The following LOXL2 variants were observed in gnomAD, a reference collection of about 807,000 sequenced individuals.
LOXL2 encodes lysyl oxidase homolog 2.
LOXL2 carries 70 observed loss-of-function variants against 93.0 expected under a neutral mutation model. That is an observed-to-expected ratio of 0.75 (90% CI 0.62 to 0.92). The LOEUF is 0.92. Among genes scored for constraint, LOXL2 ranks in the 40% least tolerant of loss-of-function variants. The probability of loss-of-function intolerance (pLI) is 0.00; values close to 1 mark genes in which losing one functional copy is unlikely to be tolerated. For synonymous variants in LOXL2, 438 were observed against 413.2 expected, an observed-to-expected ratio of 1.06 and a Z score of -0.73; for missense variants, 973 against 1,054.9, an observed-to-expected ratio of 0.92 and a Z score of 1.08.
chr8:23,354,720 G>C (rs879014148), intron 3 of LOXL2, among the ~76,000 whole-genome samples: 4 of 151,826 alleles, frequency 2.6e-5, no homozygotes, highest in African/African-American at 9.7e-5. Context: ...CAAGGGTCTT[G>C]AAACTTGGCA....
At chr8:23,381,968 C>G (rs894622902) in intron 1 of LOXL2, among the ~76,000 whole-genome samples, 3 of 152,210 alleles carry the variant, frequency 2.0e-5, no homozygotes, top group African/African-American at 7.2e-5. Context: ...ATGCATGGCT[C>G]GGAGTAGACC....
chr8:23,358,974 T>C (rs576294349), intron 3 of LOXL2, among the ~76,000 whole-genome samples: 1 of 152,138 alleles, frequency 6.6e-6, no homozygotes, highest in East Asian at 1.9e-4. Context: ...CCTGAGTAGC[T>C]GGGACTACAG....
intron 1 of LOXL2, among the ~76,000 whole-genome samples, chr8:23,386,704 G>A (rs991061786): frequency 7.2e-5 from 11 of 151,752 alleles, no homozygotes; most frequent in African/African-American, 2.7e-4. Flanking sequence ...AGTCTAAGAA[G>A]CATCTGCTCC....
At position 23,395,489 on chromosome 8, in the gene LOXL2, G is replaced by C. The variant is rs78823795; in HGVS notation, c.-84+8465C>G. Reference sequence around the variant, plus strand: ...GTGTTGATGAAAACATTTTAAAGTTGACTGGGGTGATATTTGCACATATCT... The same window carrying C: ...GTGTTGATGAAAACATTTTAAAGTTCACTGGGGTGATATTTGCACATATCT... On this transcript the variant is annotated intron_variant, in intron 1 of 13. Transcript: ENST00000389131. 8.4e-3 allele frequency among the ~76,000 whole-genome samples: 1,279 copies of C among 152,216 alleles called. 14 individuals carry two copies. The highest frequency in any genetic ancestry group is 0.028 in the African/African-American group (1,150 of 41,518).
chr8:23,397,670 C>T (rs1227335620), intron 1 of LOXL2, among the ~76,000 whole-genome samples: 1 of 151,210 alleles, frequency 6.6e-6, no homozygotes, highest in Non-Finnish European at 1.5e-5. Context: ...CCCAGCTACT[C>T]AGGAGGCTGA....
chr8:23,361,017 C>T (rs1804281596), intron 2 of LOXL2, among the ~76,000 whole-genome samples: 2 of 152,046 alleles, frequency 1.3e-5, no homozygotes, highest in African/African-American at 4.8e-5. Flanking sequence ...TCCCCTGCCT[C>T]AGCCTCCCAA....
chr8:23,340,169 C>T (rs1301564753), intron 4 of LOXL2, among the ~76,000 whole-genome samples: 1 of 152,210 alleles, frequency 6.6e-6, no homozygotes, highest in Non-Finnish European at 1.5e-5. Context: ...TATCACCTTT[C>T]TCCAGTTTAC....
intron 9 of LOXL2, chr8:23,316,681 T>G (rs927810608): frequency 2.8e-5 from 13 of 461,220 alleles, no homozygotes; most frequent in Middle Eastern, 1.1e-3. Context: ...CTGCCCTGGG[T>G]CACTGCAGTA....
chr8:23,378,841 C>T (rs1440307962), intron 1 of LOXL2, among the ~76,000 whole-genome samples: 1 of 152,208 alleles, frequency 6.6e-6, no homozygotes, highest in African/African-American at 2.4e-5. Context: ...AGCCATTCAT[C>T]TAATCTTTTT....
intron 1 of LOXL2, among the ~76,000 whole-genome samples, chr8:23,396,243 A>AGGAGGT (rs1800088042): frequency 6.6e-6 from 1 of 152,048 alleles, no homozygotes; most frequent in African/African-American, 2.4e-5. Flanking sequence ...GCTTGAACCC[A>AGGAGGT]GGAGGTGGAG....
chr8:23,392,286 G>C (rs114440961), intron 1 of LOXL2, among the ~76,000 whole-genome samples: 74 of 152,308 alleles, frequency 4.9e-4, no homozygotes, highest in African/African-American at 1.7e-3. Flanking sequence ...TCTGGATCCT[G>C]TCCAGAAGCC....
chr8:23,359,997 A>G lies in LOXL2; in HGVS notation c.531+93T>C, dbSNP rs540157814. 4.6e-5 allele frequency: 56 copies of G among 1,217,470 alleles called. No individual in the cohort carries two copies. In the East Asian group the frequency reaches 1.3e-3, roughly 28 times the overall value. 75.4% of individuals were successfully genotyped at this position (1,217,470 alleles called of 1,614,324 possible). On this transcript the variant is annotated intron_variant, in intron 3 of 13. Transcript: ENST00000389131. ...GGGTGAGGTACCCTCCTTCCTGCTC[A>G]CACACACTTCTTGAAATCAATACGC...
chr8:23,367,687 G>A (rs1223982386), intron 2 of LOXL2, among the ~76,000 whole-genome samples: 2 of 152,214 alleles, frequency 1.3e-5, no homozygotes, highest in Non-Finnish European at 2.9e-5. Flanking sequence ...CCCCCTACCT[G>A]GGGTCACCAA....
At chr8:23,355,512 CTTTTTTT>C (rs58824822) in intron 3 of LOXL2, among the ~76,000 whole-genome samples, 15 of 80,320 alleles carry the variant, frequency 1.9e-4, no homozygotes, top group African/African-American at 5.2e-4. Flanking sequence ...TTGACATTCA[CTTTTTTT>C]TTTTTTTTTT....
At chr8:23,304,448 A>G (rs766448897) in intron 10 of LOXL2, among the ~76,000 whole-genome samples, 12 of 152,180 alleles carry the variant, frequency 7.9e-5, no homozygotes, top group Non-Finnish European at 1.3e-4. Context: ...AGCATGTCAC[A>G]AGTGTCTGCA....
At chr8:23,395,772 T>G (rs1800081701) in intron 1 of LOXL2, among the ~76,000 whole-genome samples, 1 of 152,046 alleles carries the variant, frequency 6.6e-6, no homozygotes, top group Non-Finnish European at 1.5e-5. Flanking sequence ...CAATCCTGGC[T>G]CACCGTAACC....
Position 23,368,094 on chromosome 8 carries a change from G to A in LOXL2, c.258C>T (p.Asp86=), listed in dbSNP as rs377332382. ...YDGQWGTVCD[D]DFSIHAAHVV... is the part of the protein sequence containing the mutation. ...CGTGGGCAGCGTGGATGGAGAAGTC[G>A]TCATCGCACACGGTGCCCCACTGGC... Residue 86 remains aspartate, a synonymous_variant, in exon 2 of 14, where the codon GAC becomes GAT. Transcript: ENST00000389131. 2.2e-5 allele frequency: 36 copies of A among 1,613,988 alleles called. No individual in the cohort carries two copies. Among genetic ancestry groups the A allele is most frequent in the African/African-American group, 6.7e-5 (5 of 74,958 alleles).
At chr8:23,337,138 TCAACCAGC>T (rs903003760) in intron 4 of LOXL2, 2 of 152,238 alleles carry the variant, frequency 1.3e-5, no homozygotes, top group African/African-American at 4.8e-5. Flanking sequence ...AACATCATGA[TCAACCAGC>T]CAACACCACA....
At chr8:23,384,609 G>C (rs569070717) in intron 1 of LOXL2, among the ~76,000 whole-genome samples, 2 of 152,276 alleles carry the variant, frequency 1.3e-5, no homozygotes, top group South Asian at 4.1e-4. Flanking sequence ...GGCAGAAGGA[G>C]GGAGTAACTT....
Sources: gnomAD v4.1 joint callset for allele counts (sites outside exome capture counted in the v4.1 genomes callset) on GRCh38, gnomAD v4.1.1 for gene constraint, MANE v1.5 for transcripts, NCBI Gene and HGNC (gene_info 2026-07-23, HGNC 2026-07-21) for gene names.